The following ANKRD45 variants were observed in gnomAD, a reference collection of about 807,000 sequenced individuals.
The protein encoded by ANKRD45 is ankyrin repeat domain 45, also known as ankyrin repeat domain-containing protein 45.
ANKRD45 carries 21 observed loss-of-function variants against 28.1 expected under a neutral mutation model. The observed-to-expected ratio is 0.75, with a 90% CI of 0.53 to 1.08. The LOEUF (loss-of-function observed/expected upper bound fraction) is 1.08, where lower values mean the gene tolerates loss of function less well. Among genes scored for constraint, ANKRD45 ranks in the 50% least tolerant of loss-of-function variants. The probability of loss-of-function intolerance (pLI) is 0.00; values close to 1 mark genes in which losing one functional copy is unlikely to be tolerated. For missense variants in ANKRD45, 261 were observed against 308.7 expected (o/e 0.85, Z 1.16); for synonymous variants, 86 against 103.9 (o/e 0.83, Z 1.05).
the ANKRD45 span, among the ~76,000 whole-genome samples, chr1:173,701,363 T>C: frequency 2.6e-5 from 4 of 152,154 alleles, no homozygotes; most frequent in East Asian, 5.8e-4. Flanking sequence ...TAAAGACACA[T>C]GTATACGTAT....
At chr1:173,706,425 G>A in the ANKRD45 span, among the ~76,000 whole-genome samples, 22 of 147,916 alleles carry the variant, frequency 1.5e-4, no homozygotes, top group African/African-American at 3.5e-4. Flanking sequence ...TGCAACCTCC[G>A]CCTCCCAGGT....
At chr1:173,618,032 T>A (rs2102316053) in intron 5 of ANKRD45, among the ~76,000 whole-genome samples, 1 of 152,106 alleles carries the variant, frequency 6.6e-6, no homozygotes, top group African/African-American at 2.4e-5. Flanking sequence ...CCCAGCAAAC[T>A]GCAGCAGCCC....
At chr1:173,674,268 C>A (rs146503373), upstream of ANKRD45, among the ~76,000 whole-genome samples, 336 of 152,256 alleles carry the variant, frequency 2.2e-3, 2 homozygotes, top group African/African-American at 7.5e-3. Context: ...CCTGCCTCAG[C>A]CTCCCAAAGG....
At chr1:173,627,410 C>T (rs1028817419) in intron 3 of ANKRD45, among the ~76,000 whole-genome samples, 12 of 152,210 alleles carry the variant, frequency 7.9e-5, no homozygotes, top group Non-Finnish European at 1.5e-5. Flanking sequence ...CTACACCACA[C>T]TTCCCCCATA....
intron 3 of ANKRD45, among the ~76,000 whole-genome samples, chr1:173,628,703 G>T (rs1429657904): frequency 6.6e-6 from 1 of 152,178 alleles, no homozygotes; most frequent in Non-Finnish European, 1.5e-5. Flanking sequence ...AGAGCCTGGG[G>T]GAACTTGTTG....
the ANKRD45 span, among the ~76,000 whole-genome samples, chr1:173,681,893 T>G: frequency 2.6e-5 from 4 of 151,916 alleles, no homozygotes; most frequent in East Asian, 7.8e-4. Flanking sequence ...CTACTAAAAA[T>G]ACAAAAATTA....
intron 3 of ANKRD45, among the ~76,000 whole-genome samples, chr1:173,644,777 G>A (rs1423299084): frequency 2.0e-5 from 3 of 152,062 alleles, no homozygotes; most frequent in Non-Finnish European, 2.9e-5. Flanking sequence ...GGCAGATCAC[G>A]AGATCAGGAG....
At chr1:173,677,313 T>C in the ANKRD45 span, among the ~76,000 whole-genome samples, 5 of 152,156 alleles carry the variant, frequency 3.3e-5, no homozygotes, top group African/African-American at 1.2e-4. Context: ...AAAATTTTAA[T>C]CTTGATCATA....
chr1:173,702,179 G>A, the ANKRD45 span, among the ~76,000 whole-genome samples: 5 of 152,140 alleles, frequency 3.3e-5, no homozygotes, highest in Admixed American at 6.5e-5. Flanking sequence ...ACAGAGAGAA[G>A]CCAAGAGTGG....
At chr1:173,705,094 C>T in the ANKRD45 span, among the ~76,000 whole-genome samples, 1 of 152,084 alleles carries the variant, frequency 6.6e-6, no homozygotes, top group Non-Finnish European at 1.5e-5. Context: ...CAAAGTGCCT[C>T]CCAAAAAGGA....
At chr1:173,694,791 A>C in the ANKRD45 span, among the ~76,000 whole-genome samples, 97 of 152,188 alleles carry the variant, frequency 6.4e-4, 1 homozygote, top group African/African-American at 2.2e-3. Context: ...CTTAGCTCCC[A>C]CTTACAAGTG....
chr1:173,622,222 C>A (rs1377977221), intron 5 of ANKRD45, among the ~76,000 whole-genome samples: 1 of 152,070 alleles, frequency 6.6e-6, no homozygotes, highest in East Asian at 1.9e-4. Flanking sequence ...TATGAAATGA[C>A]CATACTGCCC....
intron 1 of ANKRD45, among the ~76,000 whole-genome samples, chr1:173,662,668 T>A (rs137953848): frequency 6.6e-6 from 1 of 152,278 alleles, no homozygotes; most frequent in East Asian, 1.9e-4. Flanking sequence ...AATGGGGAAA[T>A]CACCTAGAGG....
At chr1:173,685,497 C>T in the ANKRD45 span, among the ~76,000 whole-genome samples, 1 of 152,196 alleles carries the variant, frequency 6.6e-6, no homozygotes, top group African/African-American at 2.4e-5. Flanking sequence ...CAATCTGGGC[C>T]TCTGGCCTAC....
rs1264054442 is a variant in ANKRD45, at chr1:173,635,864, T to C, written c.497-8705A>G. The C allele has an allele frequency of 2.0e-6, 3 of 1,465,014 alleles. No homozygotes were observed. The African/African-American group carries it at 4.2e-5, about 21-fold the overall frequency. 90.8% of individuals were successfully genotyped at this position (1,465,014 alleles called of 1,614,324 possible). A position where few individuals can be genotyped will look rare whatever the true frequency, so the allele number is the denominator to read the frequency against. On this transcript the variant is annotated intron_variant, in intron 3 of 5. Transcript: ENST00000333279. ...AAAAAAGGTGAATTCGTGATACAAG[T>C]AGTAATAGTTACAAAATCTCTAAGG...
the ANKRD45 span, among the ~76,000 whole-genome samples, chr1:173,710,799 C>T: frequency 1.3e-5 from 2 of 152,102 alleles, no homozygotes; most frequent in Admixed American, 6.5e-5. Context: ...AGAGAGGCAG[C>T]GTGACAACTG....
At chr1:173,697,230 G>GA in the ANKRD45 span, among the ~76,000 whole-genome samples, 1 of 152,212 alleles carries the variant, frequency 6.6e-6, no homozygotes, top group African/African-American at 2.4e-5. Flanking sequence ...AACCAAGCTA[G>GA]AAAACATTCT....
At chr1:173,700,807 C>A in the ANKRD45 span, among the ~76,000 whole-genome samples, 1 of 152,116 alleles carries the variant, frequency 6.6e-6, no homozygotes, top group African/African-American at 2.4e-5. Flanking sequence ...GCAACAAAAG[C>A]CAAAATAGAC....
At chr1:173,676,648 C>CA in the ANKRD45 span, among the ~76,000 whole-genome samples, 1 of 151,642 alleles carries the variant, frequency 6.6e-6, no homozygotes, top group African/African-American at 2.4e-5. Context: ...CAAAATAAGA[C>CA]AACAATCATT....
Sources: gnomAD v4.1 joint callset for allele counts (sites outside exome capture counted in the v4.1 genomes callset) on GRCh38, gnomAD v4.1.1 for gene constraint, MANE v1.5 for transcripts, NCBI Gene and HGNC (gene_info 2026-07-23, HGNC 2026-07-21) for gene names.